Variants in INO80D observed in about 807,000 individuals in gnomAD.
INO80D encodes INO80 complex subunit D.
INO80D carries 21 observed loss-of-function variants against 87.6 expected under a neutral mutation model. The ratio of observed to expected loss-of-function variants is 0.24; its 90% CI spans 0.17 to 0.35. The LOEUF (loss-of-function observed/expected upper bound fraction) is 0.35. INO80D is among the 10% of genes least tolerant of loss of function. INO80D has a pLI of 1.00. For synonymous variants in INO80D, 440 were observed against 491.0 expected (o/e 0.90, Z 1.37); for missense variants, 982 against 1,280.7 (o/e 0.77, Z 3.56).
chr2:206,042,887 A>G (rs1330204792), intron 5 of INO80D, among the ~76,000 whole-genome samples: 1 of 152,096 alleles, frequency 6.6e-6, no homozygotes, highest in Admixed American at 6.5e-5. Context: ...CAGGAGGATC[A>G]CTTGAGCCCA....
At position 206,004,208 on chromosome 2, in the gene INO80D, C is replaced by T. The variant is rs894909002; in HGVS notation, c.*160G>A. 14 of 667,898 alleles carry T rather than the reference C, an allele frequency of 2.1e-5. No homozygotes were observed. The highest frequency in any genetic ancestry group is 3.3e-5 in the Non-Finnish European group (13 of 393,404). 41.4% of individuals were successfully genotyped at this position (667,898 alleles called of 1,614,324 possible). A position where few individuals can be genotyped will look rare whatever the true frequency, so the allele number is the denominator to read the frequency against. ...TAAGGAGCACATGTGAACACTGTAG[C>T]GAGGTCCACTGCAGGGCCACTCATT... On this transcript the variant is annotated 3_prime_UTR_variant, in exon 11 of 11. Coordinates refer to ENST00000403263, the MANE Select transcript of INO80D (RefSeq NM_017759.5). The surrounding 1 kb of genome is among the most constrained non-coding windows in gnomAD (Gnocchi z 4.9).
At chr2:206,007,028 AGAGT>A in intron 10 of INO80D, among the ~76,000 whole-genome samples, 1 of 152,380 alleles carries the variant, frequency 6.6e-6, no homozygotes, top group East Asian at 1.9e-4. Flanking sequence ...CCTGGGCGAC[AGAGT>A]GAGACTCTGT....
rs1036423023 is a variant in INO80D, at chr2:206,080,997, T to C, written c.-124+4904A>G. On this transcript the variant is annotated intron_variant, in intron 1 of 10. Coordinates refer to ENST00000403263, the MANE Select transcript of INO80D (RefSeq NM_017759.5). ...GAAAAAGTTATGCACCAAGAAAATATAAAGGTTATGCTTCAGGAACCATTC... is the reference window on the plus strand; with the variant it reads ...GAAAAAGTTATGCACCAAGAAAATACAAAGGTTATGCTTCAGGAACCATTC... Among the ~76,000 whole-genome samples the C allele has an allele frequency of 2.8e-5, 4 of 143,638 alleles. No homozygotes were observed. In the East Asian group the frequency reaches 8.3e-4, roughly 30 times the overall value. 94.2% of individuals were successfully genotyped at this position (143,638 alleles called of 152,430 possible).
rs936075525 is a variant in INO80D, at chr2:206,001,073, T to A, written c.*3295A>T. The A allele has an allele frequency of 6.6e-6, 1 of 152,222 alleles. No homozygotes were observed. The highest frequency in any genetic ancestry group is 1.5e-5 in the Non-Finnish European group (1 of 68,044). 9.4% of individuals were successfully genotyped at this position (152,222 alleles called of 1,614,324 possible). ...AGTCTGTCACTTGGTGGGTTAAGTA[T>A]AATTGCTACTTACTATTGAGTTGTT... On this transcript the variant is annotated 3_prime_UTR_variant, in exon 11 of 11. Coordinates refer to ENST00000403263, the MANE Select transcript of INO80D (RefSeq NM_017759.5).
intron 6 of INO80D, among the ~76,000 whole-genome samples, chr2:206,023,909 A>G (rs983768932): frequency 3.9e-5 from 6 of 152,196 alleles, no homozygotes; most frequent in Admixed American, 2.6e-4. Context: ...AGTTAGGAAG[A>G]TGTTCTGAAA....
intron 1 of INO80D, chr2:206,084,618 G>A (rs893998665): frequency 6.6e-6 from 1 of 152,356 alleles, no homozygotes; most frequent in Non-Finnish European, 1.5e-5. Flanking sequence ...TACATCTGGG[G>A]ACTGCTCCAG....
intron 5 of INO80D, among the ~76,000 whole-genome samples, chr2:206,038,045 T>C (rs1404869456): frequency 6.6e-6 from 1 of 152,032 alleles, no homozygotes; most frequent in African/African-American, 2.4e-5. Flanking sequence ...CACATAGACG[T>C]AGAGAATGGA....
rs773071812 is a variant in INO80D at position 206,023,551 on chromosome 2, C to T, written c.1299-3706G>A. Among the ~76,000 whole-genome samples, 66 of 150,856 alleles carry T rather than the reference C, an allele frequency of 4.4e-4. 1 individual carries two copies. Among genetic ancestry groups the T allele is most frequent in the South Asian group, 1.7e-3 (8 of 4,726 alleles). Reference sequence around the variant, plus strand: ...ACAAAAAATTAGCCGGGCATAGTGGCGCATGCCTGTAGTCCCAGCTACTTG... The same window carrying T: ...ACAAAAAATTAGCCGGGCATAGTGGTGCATGCCTGTAGTCCCAGCTACTTG... On this transcript the variant is annotated intron_variant, in intron 6 of 10. Coordinates refer to ENST00000403263, the MANE Select transcript of INO80D (RefSeq NM_017759.5).
intron 4 of INO80D, among the ~76,000 whole-genome samples, chr2:206,048,694 G>T (rs529469386): frequency 2.6e-5 from 4 of 152,290 alleles, no homozygotes; most frequent in Admixed American, 2.6e-4. Context: ...AGAAGTTAGA[G>T]ACCAGCCTGG....
At chr2:206,012,243 T>A (rs987367303) in intron 8 of INO80D, among the ~76,000 whole-genome samples, 1 of 151,940 alleles carries the variant, frequency 6.6e-6, no homozygotes, top group African/African-American at 2.4e-5. Context: ...GGGGATGGAG[T>A]AAAGGGATGA....
At chr2:206,048,737 C>T (rs1689265224) in intron 4 of INO80D, among the ~76,000 whole-genome samples, 1 of 152,046 alleles carries the variant, frequency 6.6e-6, no homozygotes, top group South Asian at 2.1e-4. Flanking sequence ...CTACAACAAA[C>T]TTAAAAATTA....
At position 206,078,089 on chromosome 2, in the gene INO80D, G is replaced by A. The variant is rs1275225796; in HGVS notation, c.-124+7812C>T. Among the ~76,000 whole-genome samples the A allele has an allele frequency of 7.8e-4, 36 of 45,912 alleles. 1 individual carries two copies. The highest frequency in any genetic ancestry group is 1.2e-3 in the Non-Finnish European group (25 of 21,100). 30.1% of individuals were successfully genotyped at this position (45,912 alleles called of 152,430 possible). On this transcript the variant is annotated intron_variant, in intron 1 of 10. Transcript: ENST00000403263. ...AAAAAAAAAAAAAAAAAAAAAAAAA[G>A]GTTGACCCAGAACTTCCAGCTCTTC...
intron 5 of INO80D, among the ~76,000 whole-genome samples, chr2:206,031,672 T>TATGA (rs1360249611): frequency 3.3e-5 from 5 of 152,210 alleles, no homozygotes; most frequent in Non-Finnish European, 5.9e-5. Flanking sequence ...GTGATCATCA[T>TATGA]GGCCGATGAG....
chr2:206,057,090 T>G, intron 3 of INO80D, 147 bp from the exon 4 acceptor site: 1 of 750,378 alleles, frequency 1.3e-6, no homozygotes, highest in Non-Finnish European at 2.1e-6. Flanking sequence ...AAACCTCTAC[T>G]ACTTTCAAGC....
chr2:206,018,038 G>A (rs1238151837), intron 7 of INO80D, among the ~76,000 whole-genome samples: 1 of 152,200 alleles, frequency 6.6e-6, no homozygotes. Flanking sequence ...CCTGGCACCA[G>A]TCTCCTTAAT....
At chr2:206,043,260 C>T (rs1252878493) in intron 5 of INO80D, among the ~76,000 whole-genome samples, 1 of 152,100 alleles carries the variant, frequency 6.6e-6, no homozygotes, top group African/African-American at 2.4e-5. Context: ...CAACCTCTGC[C>T]TCCCGCGTTC....
intron 6 of INO80D, among the ~76,000 whole-genome samples, chr2:206,027,862 T>C (rs1316684609): frequency 6.6e-6 from 1 of 152,186 alleles, no homozygotes; most frequent in African/African-American, 2.4e-5. Flanking sequence ...GGTAACATTC[T>C]CAAATCTTCA....
chr2:206,007,474 C>A, intron 9 of INO80D, 33 bp from the exon 10 acceptor site: 1 of 1,572,938 alleles, frequency 6.4e-7, no homozygotes, highest in Non-Finnish European at 8.6e-7. Context: ...TCCCATAACT[C>A]CCCCATTATC....
At chr2:206,065,698 A>G (rs903628943) in intron 1 of INO80D, among the ~76,000 whole-genome samples, 2 of 152,220 alleles carry the variant, frequency 1.3e-5, no homozygotes, top group African/African-American at 4.8e-5. Context: ...AGAAAAAAAT[A>G]CAACCAATTC....
Sources: allele counts gnomAD v4.1 joint callset (sites outside exome capture counted in the v4.1 genomes callset), GRCh38; gene constraint gnomAD v4.1.1; non-coding constraint Gnocchi (gnomAD v3.1); transcripts MANE v1.5; gene names NCBI Gene and HGNC (gene_info 2026-07-23, HGNC 2026-07-21).